The following PDSS2 variants were observed in gnomAD, a reference collection of about 807,000 sequenced individuals.
The protein encoded by PDSS2 is all trans-polyprenyl-diphosphate synthase PDSS2.
PDSS2 carries 31 observed loss-of-function variants against 44.5 expected under a neutral mutation model. The observed-to-expected ratio is 0.70, with a 90% confidence interval of 0.52 to 0.94. The LOEUF (loss-of-function observed/expected upper bound fraction) is 0.94, where lower values mean the gene tolerates loss of function less well. Ranked by LOEUF, PDSS2 falls within the 40% of genes least tolerant of loss-of-function variation. The probability of loss-of-function intolerance (pLI) is 0.00; values close to 1 mark genes in which losing one functional copy is unlikely to be tolerated. For synonymous variants in PDSS2, 157 were observed against 180.3 expected, an observed-to-expected ratio of 0.87 and a Z score of 1.03; for missense variants, 452 against 482.2, an observed-to-expected ratio of 0.94 and a Z score of 0.59.
At chr6:107,199,444 G>C (rs1466153180) in intron 6 of PDSS2, among the ~76,000 whole-genome samples, 2 of 152,180 alleles carry the variant, frequency 1.3e-5, no homozygotes, top group Non-Finnish European at 2.9e-5. Context: ...GGGGCTACAG[G>C]TATGTACCAC....
At chr6:107,308,545 A>G (rs373236242) in intron 2 of PDSS2, among the ~76,000 whole-genome samples, 2 of 152,348 alleles carry the variant, frequency 1.3e-5, no homozygotes, top group African/African-American at 2.4e-5. Flanking sequence ...TATATAGTAC[A>G]TAAGTGTAAA....
intron 1 of PDSS2, among the ~76,000 whole-genome samples, chr6:107,450,717 C>T (rs1257532076): frequency 6.6e-6 from 1 of 152,146 alleles, no homozygotes; most frequent in Non-Finnish European, 1.5e-5. Context: ...ATAAGACTGC[C>T]ACAAACATTT....
intron 1 of PDSS2, among the ~76,000 whole-genome samples, chr6:107,455,661 G>A (rs750035668): frequency 5.5e-5 from 8 of 145,924 alleles, no homozygotes; most frequent in Non-Finnish European, 1.2e-4. Context: ...GGCTGAGGCA[G>A]GAGAATTGCT....
At chr6:107,426,408 C>T (rs987449022) in intron 1 of PDSS2, among the ~76,000 whole-genome samples, 3 of 152,228 alleles carry the variant, frequency 2.0e-5, no homozygotes, top group Non-Finnish European at 4.4e-5. Context: ...AAGTTTGCTG[C>T]AGGGGCGGAG....
At chr6:107,251,678 T>G (rs1177538260) in intron 3 of PDSS2, among the ~76,000 whole-genome samples, 5 of 152,214 alleles carry the variant, frequency 3.3e-5, no homozygotes, top group Non-Finnish European at 4.4e-5. Flanking sequence ...ATTTAGTCTC[T>G]TTTGAAAGAG....
intron 1 of PDSS2, among the ~76,000 whole-genome samples, chr6:107,412,353 C>G (rs1780531449): frequency 6.6e-6 from 1 of 151,220 alleles, no homozygotes; most frequent in South Asian, 2.1e-4. Flanking sequence ...ATTCTCCTGC[C>G]TCAGCCTCCC....
intron 2 of PDSS2, among the ~76,000 whole-genome samples, chr6:107,294,103 A>G (rs1776432309): frequency 6.6e-6 from 1 of 152,172 alleles, no homozygotes; most frequent in African/African-American, 2.4e-5. Context: ...CTCTCCAGCT[A>G]AATAACAAGA....
intron 1 of PDSS2, among the ~76,000 whole-genome samples, chr6:107,383,407 T>C (rs1779514536): frequency 1.4e-5 from 2 of 143,552 alleles, no homozygotes; most frequent in Admixed American, 1.4e-4. Context: ...TAAATCTTCA[T>C]AAGATTAAGA....
At chr6:107,159,278 G>T (rs1554246271) in intron 7 of PDSS2, among the ~76,000 whole-genome samples, 1 of 132,346 alleles carries the variant, frequency 7.6e-6, no homozygotes, top group African/African-American at 2.8e-5. Flanking sequence ...AGTCTTAAGG[G>T]AAGGAAGGAA....
At chr6:107,194,065 T>C (rs1282269620) in intron 6 of PDSS2, among the ~76,000 whole-genome samples, 1 of 152,182 alleles carries the variant, frequency 6.6e-6, no homozygotes, top group Non-Finnish European at 1.5e-5. Context: ...GCATAGACAC[T>C]ACCTAGATCT....
At chr6:107,230,925 G>A (rs1238413430) in intron 4 of PDSS2, among the ~76,000 whole-genome samples, 1 of 152,096 alleles carries the variant, frequency 6.6e-6, no homozygotes, top group African/African-American at 2.4e-5. Flanking sequence ...AAGAATTCAG[G>A]AGGCGGGGCA....
intron 2 of PDSS2, among the ~76,000 whole-genome samples, chr6:107,274,826 C>T (rs991439754): frequency 2.0e-5 from 3 of 151,962 alleles, no homozygotes; most frequent in Non-Finnish European, 2.9e-5. Context: ...GTGTGCGACA[C>T]CAAGCCTGGC....
At chr6:107,294,460 T>C (rs1048921472) in intron 2 of PDSS2, among the ~76,000 whole-genome samples, 5 of 152,080 alleles carry the variant, frequency 3.3e-5, no homozygotes, top group African/African-American at 9.7e-5. Flanking sequence ...TTGTCCAGGC[T>C]GGTCTTAAAC....
chr6:107,305,882 A>C (rs918218809), intron 2 of PDSS2, among the ~76,000 whole-genome samples: 1 of 152,204 alleles, frequency 6.6e-6, no homozygotes, highest in African/African-American at 2.4e-5. Flanking sequence ...GAGGGGCCTT[A>C]ACATTATATT....
At chr6:107,322,023 G>C (rs1402373513) in intron 2 of PDSS2, among the ~76,000 whole-genome samples, 3 of 151,962 alleles carry the variant, frequency 2.0e-5, no homozygotes. Context: ...CTACCTGATG[G>C]GGCCTAAACA....
At chr6:107,199,853 A>AT (rs1772709771) in intron 6 of PDSS2, among the ~76,000 whole-genome samples, 2 of 152,158 alleles carry the variant, frequency 1.3e-5, no homozygotes, top group South Asian at 4.1e-4. Flanking sequence ...TATGCAGGTA[A>AT]TGTAGAGCCC....
rs562179507 is a variant in PDSS2 at position 107,209,963 on chromosome 6, G to T, written c.1008+476C>A. 4.6e-5 allele frequency among the ~76,000 whole-genome samples: 7 copies of T among 151,804 alleles called. No homozygotes were observed. The East Asian group carries it at 1.2e-3, about 25-fold the overall frequency. On this transcript the variant is annotated intron_variant, in intron 6 of 7. Transcript: ENST00000369037. ...CAAGCCCCTTTACCCCTCCCACTTCGCCATGCTTTTTTCCCCCCCGCTTTG... is the reference window on the plus strand; with the variant it reads ...CAAGCCCCTTTACCCCTCCCACTTCTCCATGCTTTTTTCCCCCCCGCTTTG...
intron 4 of PDSS2, among the ~76,000 whole-genome samples, chr6:107,244,528 C>A (rs534062248): frequency 8.5e-5 from 13 of 152,290 alleles, no homozygotes; most frequent in African/African-American, 3.1e-4. Context: ...TACCAATATG[C>A]TGCTTAGGTG....
chr6:107,328,158 A>C (rs1777606781), intron 2 of PDSS2, among the ~76,000 whole-genome samples: 1 of 152,232 alleles, frequency 6.6e-6, no homozygotes, highest in African/African-American at 2.4e-5. Context: ...TGGAATGGCA[A>C]TAATAAACCA....
Sources: gnomAD v4.1 joint callset for allele counts (sites outside exome capture counted in the v4.1 genomes callset) on GRCh38, gnomAD v4.1.1 for gene constraint, MANE v1.5 for transcripts, NCBI Gene and HGNC (gene_info 2026-07-23, HGNC 2026-07-21) for gene names.